MICU3: variants seen among roughly 807,000 people sequenced by gnomAD.
MICU3 encodes the protein mitochondrial calcium uptake 3, also known as calcium uptake protein 3, mitochondrial.
MICU3 carries 62 observed loss-of-function variants against 66.5 expected under a neutral mutation model. That is an observed-to-expected ratio of 0.93 (90% CI 0.76 to 1.15). The LOEUF (loss-of-function observed/expected upper bound fraction) is 1.15. Ranked by LOEUF, MICU3 falls within the 50% of genes most tolerant of loss-of-function variation. The probability of loss-of-function intolerance (pLI) is 0.00; values close to 1 mark genes in which losing one functional copy is unlikely to be tolerated. For missense variants in MICU3, 779 were observed against 664.4 expected, an observed-to-expected ratio of 1.17 and a Z score of -1.90; for synonymous variants, 308 against 240.7, an observed-to-expected ratio of 1.28 and a Z score of -2.59.
Position 17,027,251 on chromosome 8 carries a change from T to A in MICU3, c.-29T>A. ...CCCCGCCCCTCCGTTCTCTGCCCCC[T>A]CCCAGCTCTGGTGTGGGCGGCCTCC... On this transcript the variant is annotated 5_prime_UTR_variant, in exon 1 of 15. Transcript: ENST00000318063. 1 of 692,498 alleles carries A rather than the reference T, an allele frequency of 1.4e-6. No homozygotes were observed. Among genetic ancestry groups the A allele is most frequent in the Non-Finnish European group, 1.9e-6 (1 of 531,154 alleles). The allele number at this position is 692,498 out of a possible 1,614,324, so 42.9% of individuals were successfully genotyped here. A position where few individuals can be genotyped will look rare whatever the true frequency, so the allele number is the denominator to read the frequency against.
intron 9 of MICU3, among the ~76,000 whole-genome samples, chr8:17,103,820 A>G (rs1215335960): frequency 5.9e-5 from 9 of 151,942 alleles, no homozygotes; most frequent in Non-Finnish European, 1.2e-4. Context: ...ATAAATTTTC[A>G]AGGTCATATT....
chr8:17,111,393 C>T (rs1029875066), intron 11 of MICU3, among the ~76,000 whole-genome samples: 2 of 152,016 alleles, frequency 1.3e-5, no homozygotes, highest in Admixed American at 1.3e-4. Context: ...CATGATCATA[C>T]TCACTGCGAC....
intron 1 of MICU3, among the ~76,000 whole-genome samples, chr8:17,046,398 G>A (rs1815097046): frequency 6.6e-6 from 1 of 152,086 alleles, no homozygotes; most frequent in South Asian, 2.1e-4. Flanking sequence ...TGAGAGCAGA[G>A]GAAAAACATG....
At chr8:17,028,444 C>T (rs911223831) in intron 1 of MICU3, among the ~76,000 whole-genome samples, 2 of 151,966 alleles carry the variant, frequency 1.3e-5, no homozygotes, top group Non-Finnish European at 2.9e-5. Context: ...AGTAAAGGAG[C>T]GTGATTTTTT....
intron 11 of MICU3, among the ~76,000 whole-genome samples, chr8:17,112,141 G>A (rs1449182978): frequency 1.3e-5 from 2 of 152,080 alleles, no homozygotes; most frequent in African/African-American, 4.8e-5. Context: ...TGGACACGTG[G>A]GGATTGCAAT....
Position 17,121,262 on chromosome 8 carries a change from C to A in MICU3, c.*975C>A, listed in dbSNP as rs1803179212. 1 of 151,648 alleles carries A rather than the reference C, an allele frequency of 6.6e-6. No homozygotes were observed. The highest frequency in any genetic ancestry group is 6.6e-5 in the Admixed American group (1 of 15,226). 9.4% of individuals were successfully genotyped at this position (151,648 alleles called of 1,614,324 possible). A position where few individuals can be genotyped will look rare whatever the true frequency, so the allele number is the denominator to read the frequency against. Reference sequence around the variant, plus strand: ...GACTGATGTATATATTAAGTAGAAGCTAATATTTTTGTTTCTTGCAAAAGG... The same window carrying A: ...GACTGATGTATATATTAAGTAGAAGATAATATTTTTGTTTCTTGCAAAAGG... On this transcript the variant is annotated 3_prime_UTR_variant, in exon 15 of 15. Coordinates refer to ENST00000318063, the MANE Select transcript of MICU3 (RefSeq NM_181723.3).
chr8:17,107,012 T>C lies in MICU3; in HGVS notation c.1257+1428T>C, dbSNP rs572704955. On this transcript the variant is annotated intron_variant, in intron 11 of 14. Coordinates refer to ENST00000318063, the MANE Select transcript of MICU3 (RefSeq NM_181723.3). ...ACTAATATTTGAATAGCCCTTTACA[T>C]TTCTAAATTGCTTTCATTTTCATTT... Among the ~76,000 whole-genome samples, 7 of 152,262 alleles carry C rather than the reference T, an allele frequency of 4.6e-5. No homozygotes were observed. The East Asian group carries it at 1.4e-3, about 29-fold the overall frequency.
At chr8:17,135,226 C>G in the MICU3 span, among the ~76,000 whole-genome samples, 3 of 151,994 alleles carry the variant, frequency 2.0e-5, no homozygotes, top group South Asian at 2.1e-4. Flanking sequence ...TGGTGAAACC[C>G]CATCCCTACT....
intron 1 of MICU3, among the ~76,000 whole-genome samples, chr8:17,056,519 CT>C (rs1295654356): frequency 6.6e-6 from 1 of 152,150 alleles, no homozygotes; most frequent in East Asian, 1.9e-4. Flanking sequence ...CTTGCAAGAA[CT>C]TATGGCTCAA....
Position 17,052,237 on chromosome 8 carries a change from T to A in MICU3, c.382-11847T>A, listed in dbSNP as rs61459369. On this transcript the variant is annotated intron_variant, in intron 1 of 14. Transcript: ENST00000318063. ...TTGTTTTTTATCATGATACATAATATTTGTATGTATTTATGGGGTGTGTAT... is the reference window on the plus strand; with the variant it reads ...TTGTTTTTTATCATGATACATAATAATTGTATGTATTTATGGGGTGTGTAT... Among the ~76,000 whole-genome samples the A allele has an allele frequency of 3.0e-3, 451 of 152,204 alleles. 8 individuals carry two copies. In the East Asian group the frequency reaches 0.07, roughly 24 times the overall value.
chr8:17,116,216 C>A (rs187591763), intron 12 of MICU3, among the ~76,000 whole-genome samples: 2 of 152,174 alleles, frequency 1.3e-5, no homozygotes, highest in South Asian at 4.1e-4. Context: ...AAACATTCAT[C>A]GAATGTGAAT....
the MICU3 span, chr8:17,132,531 T>A: frequency 1.3e-5 from 2 of 152,224 alleles, no homozygotes; most frequent in African/African-American, 4.8e-5. Flanking sequence ...TCCTTGCCCC[T>A]AATGTATAAA....
intron 1 of MICU3, among the ~76,000 whole-genome samples, chr8:17,039,870 A>G (rs929997761): frequency 7.1e-6 from 1 of 141,842 alleles, no homozygotes; most frequent in African/African-American, 2.6e-5. Flanking sequence ...AATCAAGCTC[A>G]TGAAGGTATC....
intron 9 of MICU3, 54 bp from the exon 10 acceptor site, chr8:17,104,337 C>T: frequency 5.2e-6 from 4 of 773,300 alleles, no homozygotes; most frequent in East Asian, 2.9e-5. Context: ...ATTGGGTATC[C>T]CTATTCTGTT....
chr8:17,099,545 A>C (rs1801076535), intron 9 of MICU3, among the ~76,000 whole-genome samples: 1 of 151,782 alleles, frequency 6.6e-6, no homozygotes, highest in Non-Finnish European at 1.5e-5. Flanking sequence ...AAAGCAATTA[A>C]AGTATTTTGT....
chr8:17,122,308 T>G lies in MICU3; in HGVS notation c.*2021T>G, dbSNP rs993744251. 8 of 151,888 alleles carry G rather than the reference T, an allele frequency of 5.3e-5. No homozygotes were observed. Among genetic ancestry groups the G allele is most frequent in the African/African-American group, 1.4e-4 (6 of 41,444 alleles). The allele number at this position is 151,888 out of a possible 1,614,324, so 9.4% of individuals were successfully genotyped here. A position where few individuals can be genotyped will look rare whatever the true frequency, so the allele number is the denominator to read the frequency against. ...ATTTTATCATCTATAAAATGAGAGA[T>G]AAAAATATCTCACTGAATTGTTACT... is the stretch of plus-strand genomic sequence containing the variant. On this transcript the variant is annotated 3_prime_UTR_variant, in exon 15 of 15. Transcript: ENST00000318063.
chr8:17,135,697 C>T, the MICU3 span, among the ~76,000 whole-genome samples: 2 of 152,048 alleles, frequency 1.3e-5, no homozygotes, highest in Non-Finnish European at 2.9e-5. Context: ...TTCGAATTCC[C>T]ATTTTAATAG....
chr8:17,053,394 G>C (rs1179716373), intron 1 of MICU3, among the ~76,000 whole-genome samples: 1 of 152,094 alleles, frequency 6.6e-6, no homozygotes, highest in Non-Finnish European at 1.5e-5. Context: ...CTGAAGTAAC[G>C]TGAGCCTGTG....
At chr8:17,090,349 C>G (rs1467274904) in intron 7 of MICU3, among the ~76,000 whole-genome samples, 197 bp from the exon 8 acceptor site, 1 of 152,082 alleles carries the variant, frequency 6.6e-6, no homozygotes, top group East Asian at 1.9e-4. Context: ...GTTTAATTAT[C>G]TGAGATTTTT....
Sources: allele counts gnomAD v4.1 joint callset (sites outside exome capture counted in the v4.1 genomes callset), GRCh38; gene constraint gnomAD v4.1.1; transcripts MANE v1.5; gene names NCBI Gene and HGNC (gene_info 2026-07-23, HGNC 2026-07-21).